The following PAK1 variants were observed in gnomAD, a reference collection of about 807,000 sequenced individuals.
PAK1 encodes the protein serine/threonine-protein kinase PAK 1.
In PAK1, 29 loss-of-function variants were observed where a neutral mutation model predicts 67.4. The observed-to-expected ratio is 0.43, with a 90% confidence interval of 0.32 to 0.59. PAK1 has a LOEUF of 0.59. Among genes scored for constraint, PAK1 ranks in the 20% least tolerant of loss-of-function variants. PAK1 has a pLI of 0.07. For synonymous variants in PAK1, 223 were observed against 237.4 expected, an observed-to-expected ratio of 0.94 and a Z score of 0.56; for missense variants, 337 against 670.7, an observed-to-expected ratio of 0.50 and a Z score of 5.50.
rs149594487 is a variant in PAK1, at chr11:77,426,470, A to G, written c.-21-33929T>C. Among the ~76,000 whole-genome samples, 213 of 152,298 alleles carry G rather than the reference A, an allele frequency of 1.4e-3. 2 individuals carry two copies. In the Middle Eastern group the frequency reaches 0.02, roughly 15 times the overall value. ...ATTGGCTTTATTACCCTCATTTTAC[A>G]GGTAAGAAAATCGGGGCACAGAGAG... On this transcript the variant is annotated intron_variant, in intron 1 of 14. Transcript: ENST00000356341.
At position 77,392,509 on chromosome 11, in the gene PAK1, G is replaced by A. The variant is rs1272327647; in HGVS notation, c.12C>T (p.Asn4=). 6.9e-6 allele frequency: 11 copies of A among 1,595,282 alleles called. No individual in the cohort carries two copies. The highest frequency in any genetic ancestry group is 2.3e-5 in the East Asian group (1 of 44,362). The stretch of plus-strand genomic sequence containing the variant: ...GGGGTTTGTCTTGAATGTCTAGGCC[G>A]TTATTTGACATTGTCACCACCAGCA... MSN[N]GLDIQDKPPA... is the part of the protein sequence containing the mutation. Residue 4 remains asparagine (N), a synonymous_variant, in exon 2 of 15, where the codon AAC becomes AAT. Transcript: ENST00000356341.
chr11:77,488,164 G>A, the PAK1 span, among the ~76,000 whole-genome samples: 7 of 152,130 alleles, frequency 4.6e-5, no homozygotes, highest in African/African-American at 9.7e-5. Context: ...GCATCTTATC[G>A]AAGACCACCA....
chr11:77,509,251 C>A, the PAK1 span, among the ~76,000 whole-genome samples: 2 of 151,260 alleles, frequency 1.3e-5, no homozygotes, highest in Non-Finnish European at 2.9e-5. Flanking sequence ...GAGCGAGACT[C>A]CACCTCAAAA....
intron 1 of PAK1, among the ~76,000 whole-genome samples, chr11:77,424,914 G>A (rs192402474): frequency 1.3e-5 from 2 of 152,238 alleles, no homozygotes; most frequent in East Asian, 3.9e-4. Flanking sequence ...TGTTCCCTCA[G>A]TACTTCATAC....
At position 77,379,947 on chromosome 11, in the gene PAK1, C is replaced by G. The variant is rs1253068227; in HGVS notation, c.238G>C (p.Asp80His). 6.2e-7 allele frequency: 1 copy of G among 1,613,972 alleles called. No individual in the cohort carries two copies. The highest frequency in any genetic ancestry group is 8.5e-7 in the Non-Finnish European group (1 of 1,179,978). ...CCGACATGAATTGTGTGTTCAAAATCTGAAGGGAGAGAAATCTCTGGCCGC... is the reference window on the plus strand; with the variant it reads ...CCGACATGAATTGTGTGTTCAAAATGTGAAGGGAGAGAAATCTCTGGCCGC... The part of the protein sequence containing the change: ...KERPEISLPS[D>H]FEHTIHVGFD... The change falls in exon 3 of 15, where the codon GAT (aspartate) becomes CAT (histidine). Residue 80 changes from aspartate to histidine, a missense_variant. Asp to His is a moderately conservative substitution (Grantham distance 81, BLOSUM62 -1). Coordinates refer to ENST00000356341, the MANE Select transcript of PAK1 (RefSeq NM_002576.5).
At chr11:77,430,348 C>T (rs1456744385) in intron 1 of PAK1, among the ~76,000 whole-genome samples, 1 of 152,168 alleles carries the variant, frequency 6.6e-6, no homozygotes, top group African/African-American at 2.4e-5. Context: ...TTCAAATGTT[C>T]CTTCAACACT....
At chr11:77,328,996 C>T (rs1304257972) in intron 14 of PAK1, among the ~76,000 whole-genome samples, 1 of 152,200 alleles carries the variant, frequency 6.6e-6, no homozygotes, top group African/African-American at 2.4e-5. Flanking sequence ...TCAGAGAATA[C>T]TATAAACACC....
At chr11:77,490,243 C>T in the PAK1 span, among the ~76,000 whole-genome samples, 4 of 151,748 alleles carry the variant, frequency 2.6e-5, no homozygotes, top group Middle Eastern at 3.5e-3. Flanking sequence ...AAGTGAGGAG[C>T]GTCTCCGCCC....
intron 1 of PAK1, among the ~76,000 whole-genome samples, chr11:77,426,841 T>TA (rs66931592): frequency 0.04 from 5,096 of 128,176 alleles, 124 homozygotes; most frequent in Non-Finnish European, 0.055. Context: ...GAGCAATCTT[T>TA]AAAAAAAAAA....
At chr11:77,374,676 G>C (rs557050144) in intron 4 of PAK1, among the ~76,000 whole-genome samples, 1 of 152,198 alleles carries the variant, frequency 6.6e-6, no homozygotes, top group African/African-American at 2.4e-5. Flanking sequence ...AGGTAATTTG[G>C]TCATTATGTG....
At chr11:77,333,106 C>G (rs1401326856) in intron 13 of PAK1, among the ~76,000 whole-genome samples, 2 of 151,342 alleles carry the variant, frequency 1.3e-5, no homozygotes, top group Non-Finnish European at 2.9e-5. Flanking sequence ...TCTCACATGT[C>G]TGTAAAAATA....
the PAK1 span, among the ~76,000 whole-genome samples, chr11:77,503,119 C>T: frequency 9.9e-5 from 15 of 152,252 alleles, no homozygotes; most frequent in Admixed American, 7.2e-4. Flanking sequence ...AAAAATGCAT[C>T]TGTACTTTAG....
chr11:77,332,601 G>A, intron 14 of PAK1, 129 bp downstream of exon 14: 1 of 720,624 alleles, frequency 1.4e-6, no homozygotes, highest in East Asian at 2.5e-5. Context: ...AGTAGGAACA[G>A]AGTGAGTGTA....
upstream of PAK1, among the ~76,000 whole-genome samples, chr11:77,479,034 G>A (rs1176760885): frequency 6.7e-6 from 1 of 149,192 alleles, no homozygotes; most frequent in African/African-American, 2.5e-5. Context: ...GCAGTGAGCC[G>A]AGACCGCGCC....
chr11:77,386,571 T>C (rs1950474830), intron 2 of PAK1, among the ~76,000 whole-genome samples: 1 of 152,090 alleles, frequency 6.6e-6, no homozygotes, highest in African/African-American at 2.4e-5. Context: ...CCCAGGCACA[T>C]ACTGAGGCCA....
At chr11:77,327,264 A>T (rs1405853349) in intron 14 of PAK1, among the ~76,000 whole-genome samples, 1 of 142,372 alleles carries the variant, frequency 7.0e-6, no homozygotes, top group East Asian at 2.0e-4. Context: ...CCAACATTCA[A>T]ATTCAGGAAA....
chr11:77,325,339 G>C (rs747660872), intron 14 of PAK1: 3 of 1,613,798 alleles, frequency 1.9e-6, no homozygotes, highest in Non-Finnish European at 1.7e-6. Context: ...AGCTATCATG[G>C]AAAAGTTACT....
rs5792767 is a variant in PAK1, at chr11:77,423,402, TACACACACACACACACAC to T, written c.-21-30879_-21-30862del. On this transcript the variant is annotated intron_variant, in intron 1 of 14. Transcript: ENST00000356341. ...AAATGGCTTTCAAGTTGCTTTCAAA[TACACACACACACACACAC>T]ACACACACACACACACACACACCCC... is the stretch of plus-strand genomic sequence containing the variant. 6.6e-5 allele frequency among the ~76,000 whole-genome samples: 9 copies of T among 136,956 alleles called. No individual in the cohort carries two copies. In the East Asian group the frequency reaches 1.1e-3, roughly 16 times the overall value. The allele number at this position is 136,956 out of a possible 152,430, so 89.8% of individuals were successfully genotyped here. A position where few individuals can be genotyped will look rare whatever the true frequency, so the allele number is the denominator to read the frequency against.
chr11:77,416,858 C>G (rs2138133127), intron 1 of PAK1, among the ~76,000 whole-genome samples: 1 of 151,794 alleles, frequency 6.6e-6, no homozygotes, highest in African/African-American at 2.4e-5. Context: ...GAGGCTGAGG[C>G]AGGAGAATGG....
Sources: allele counts gnomAD v4.1 joint callset (sites outside exome capture counted in the v4.1 genomes callset), GRCh38; gene constraint gnomAD v4.1.1; transcripts MANE v1.5; gene names NCBI Gene and HGNC (gene_info 2026-07-23, HGNC 2026-07-21).